MAST2: variants seen among roughly 807,000 people sequenced by gnomAD.
The protein encoded by MAST2 is microtubule associated serine/threonine kinase 2, also known as microtubule-associated serine/threonine-protein kinase 2.
A neutral mutation model predicts 147.4 loss-of-function variants in MAST2; 70 were observed. The observed-to-expected ratio is 0.47, with a 90% CI of 0.39 to 0.58. The LOEUF (loss-of-function observed/expected upper bound fraction) is 0.58. MAST2 is among the 20% of genes least tolerant of loss of function. The pLI is 0.00. For missense variants in MAST2, 2,080 were observed against 2,302.3 expected (o/e 0.90, Z 1.98); for synonymous variants, 869 against 896.8 (o/e 0.97, Z 0.55).
intron 5 of MAST2, among the ~76,000 whole-genome samples, chr1:45,987,763 T>TTG (rs1553120249): frequency 3.3e-5 from 1 of 29,960 alleles, no homozygotes; most frequent in Non-Finnish European, 7.5e-5. Flanking sequence ...GCATTTCTTG[T>TTG]TTTTTTTTTT....
At chr1:45,976,220 G>A (rs1398944855) in intron 5 of MAST2, among the ~76,000 whole-genome samples, 4 of 151,916 alleles carry the variant, frequency 2.6e-5, no homozygotes, top group African/African-American at 9.7e-5. Context: ...CAGGTGATCC[G>A]CCCACCTCAG....
chr1:45,837,998 C>G, intron 3 of MAST2, among the ~76,000 whole-genome samples: 1 of 152,058 alleles, frequency 6.6e-6, no homozygotes, highest in Non-Finnish European at 1.5e-5. Context: ...AAGCTTGTCT[C>G]GAACTCCTGA....
chr1:45,805,337 A>G (rs1330537285), intron 1 of MAST2, among the ~76,000 whole-genome samples: 1 of 152,146 alleles, frequency 6.6e-6, no homozygotes, highest in African/African-American at 2.4e-5. Flanking sequence ...TAGACAGTTT[A>G]AAAATTATAT....
intron 11 of MAST2, among the ~76,000 whole-genome samples, chr1:46,020,636 CAT>C (rs1468089476): frequency 6.6e-5 from 10 of 152,158 alleles, no homozygotes; most frequent in African/African-American, 2.2e-4. Flanking sequence ...CCACAGCTGA[CAT>C]AGAGAATATT....
chr1:45,850,402 C>G (rs1278444032), intron 3 of MAST2, among the ~76,000 whole-genome samples: 1 of 152,202 alleles, frequency 6.6e-6, no homozygotes, highest in South Asian at 2.1e-4. Flanking sequence ...GCTGTTAACT[C>G]TACTGATTGT....
chr1:45,943,632 C>G (rs771957997), intron 4 of MAST2, among the ~76,000 whole-genome samples: 42 of 152,126 alleles, frequency 2.8e-4, no homozygotes, highest in Non-Finnish European at 6.0e-4. Flanking sequence ...GTAATCCCGG[C>G]TACTCAGGAA....
chr1:45,898,476 G>A (rs1234971739), intron 4 of MAST2, among the ~76,000 whole-genome samples: 2 of 152,204 alleles, frequency 1.3e-5, no homozygotes, highest in Middle Eastern at 3.4e-3. Flanking sequence ...ATGATGGTGG[G>A]CCATCCAAAT....
rs538264168 is a variant in MAST2 at position 45,986,695 on chromosome 1, C to G, written c.593-11029C>G. Among the ~76,000 whole-genome samples, 90 of 130,534 alleles carry G rather than the reference C, an allele frequency of 6.9e-4. 1 individual carries two copies. The highest frequency in any genetic ancestry group is 2.5e-3 in the African/African-American group (86 of 33,906). 85.6% of individuals were successfully genotyped at this position (130,534 alleles called of 152,430 possible). A position where few individuals can be genotyped will look rare whatever the true frequency, so the allele number is the denominator to read the frequency against. The stretch of plus-strand genomic sequence containing the variant: ...TTGCGCCATTGCACTCCAGCCTGGG[C>G]GACACAGAGAGACTCCGTCTCAAAA... On this transcript the variant is annotated intron_variant, in intron 5 of 28. Transcript: ENST00000361297.
chr1:45,933,585 C>CAA lies in MAST2; in HGVS notation c.501-25783_501-25782dup, dbSNP rs11312369. On this transcript the variant is annotated intron_variant, in intron 4 of 28. Transcript: ENST00000361297. The stretch of plus-strand genomic sequence containing the variant: ...TGAAAACCCGTCTCTACTAAAAATG[C>CAA]AAAAAAAAAAAAAAAAAAATTAGCT... Among the ~76,000 whole-genome samples, 106 of 102,266 alleles carry CAA rather than the reference C, an allele frequency of 1.0e-3. No homozygotes were observed. In the East Asian group the frequency reaches 0.017, roughly 17 times the overall value. The allele number at this position is 102,266 out of a possible 152,430, so 67.1% of individuals were successfully genotyped here. A position where few individuals can be genotyped will look rare whatever the true frequency, so the allele number is the denominator to read the frequency against.
chr1:45,965,713 C>G lies in MAST2; in HGVS notation c.592+6236C>G, dbSNP rs1406166727. On this transcript the variant is annotated intron_variant, in intron 5 of 28. Coordinates refer to ENST00000361297, the MANE Select transcript of MAST2 (RefSeq NM_015112.3). ...CAGCCATTCGAGAAATGGAAACTCC[C>G]TACCTTATTTTTTTTTTAATTATTT... 8.5e-5 allele frequency among the ~76,000 whole-genome samples: 13 copies of G among 152,066 alleles called. No individual in the cohort carries two copies. In the East Asian group the frequency reaches 2.5e-3, roughly 29 times the overall value.
chr1:45,825,378 A>G (rs373270958), intron 2 of MAST2, among the ~76,000 whole-genome samples: 2 of 150,838 alleles, frequency 1.3e-5, no homozygotes, highest in African/African-American at 4.9e-5. Flanking sequence ...ACATAGAGCC[A>G]TTTCTTGTTT....
intron 5 of MAST2, among the ~76,000 whole-genome samples, chr1:45,990,576 C>T (rs1025303589): frequency 1.3e-5 from 2 of 152,046 alleles, no homozygotes. Context: ...CCACTACAGC[C>T]CAAGCTCAAA....
At chr1:45,995,988 A>G (rs1380622700) in intron 5 of MAST2, among the ~76,000 whole-genome samples, 2 of 151,344 alleles carry the variant, frequency 1.3e-5, no homozygotes, top group African/African-American at 2.4e-5. Flanking sequence ...GTCCGCCATT[A>G]TTTCTTCCTA....
intron 1 of MAST2, among the ~76,000 whole-genome samples, chr1:45,809,245 A>G (rs778864091): frequency 5.9e-5 from 9 of 152,214 alleles, no homozygotes; most frequent in Non-Finnish European, 1.0e-4. Context: ...ATTGTTAGGC[A>G]CTTTGATATA....
At chr1:46,002,656 T>A in intron 6 of MAST2, 149 bp from the exon 7 acceptor site, 1 of 652,458 alleles carries the variant, frequency 1.5e-6, no homozygotes, top group Admixed American at 2.4e-5. Flanking sequence ...GGGAGAGATA[T>A]AAAAGCATGT....
intron 4 of MAST2, among the ~76,000 whole-genome samples, chr1:45,958,648 C>T (rs987586727): frequency 3.3e-5 from 5 of 151,870 alleles, no homozygotes; most frequent in African/African-American, 1.2e-4. Flanking sequence ...TTCTTTTGTT[C>T]CCTACTGCTT....
intron 4 of MAST2, among the ~76,000 whole-genome samples, chr1:45,922,481 G>A (rs1160631258): frequency 6.6e-6 from 1 of 152,218 alleles, no homozygotes; most frequent in African/African-American, 2.4e-5. Flanking sequence ...AAAGCCTGGA[G>A]GGGGCCAAAG....
At chr1:45,983,745 G>A (rs1370921480) in intron 5 of MAST2, among the ~76,000 whole-genome samples, 1 of 152,086 alleles carries the variant, frequency 6.6e-6, no homozygotes, top group Non-Finnish European at 1.5e-5. Context: ...CTCCCACAGT[G>A]TTAGGATTAC....
chr1:46,021,159 C>T lies in MAST2; in HGVS notation c.1291-791C>T, dbSNP rs112324363. On this transcript the variant is annotated intron_variant, in intron 11 of 28. Transcript: ENST00000361297. Reference sequence around the variant, plus strand: ...AAGTTAAAAGGACTTCCAGGTCTGGCGTAGGTTATATCCAGATAGGTACAG... The same window carrying T: ...AAGTTAAAAGGACTTCCAGGTCTGGTGTAGGTTATATCCAGATAGGTACAG... Among the ~76,000 whole-genome samples the T allele has an allele frequency of 1.6e-3, 240 of 152,264 alleles. 4 individuals carry two copies. The highest frequency in any genetic ancestry group is 5.6e-3 in the African/African-American group (234 of 41,546).
Sources: allele counts gnomAD v4.1 joint callset (sites outside exome capture counted in the v4.1 genomes callset), GRCh38; gene constraint gnomAD v4.1.1; transcripts MANE v1.5; gene names NCBI Gene and HGNC (gene_info 2026-07-23, HGNC 2026-07-21).